Variants in IL1RAPL1 observed in about 807,000 individuals in gnomAD.
The protein encoded by IL1RAPL1 is interleukin-1 receptor accessory protein-like 1.
IL1RAPL1 carries 3 observed loss-of-function variants against 48.4 expected under a neutral mutation model. The ratio of observed to expected loss-of-function variants is 0.06; its 90% CI spans 0.03 to 0.16. The LOEUF (loss-of-function observed/expected upper bound fraction) is 0.16. IL1RAPL1 is among the 10% of genes least tolerant of loss of function. The probability of loss-of-function intolerance (pLI) is 1.00; values close to 1 mark genes in which losing one functional copy is unlikely to be tolerated. For synonymous variants in IL1RAPL1, 185 were observed against 187.7 expected (o/e 0.99, Z 0.12); for missense variants, 349 against 530.6 (o/e 0.66, Z 3.36).
At chrX:29,423,483 A>G (rs1374768779) in intron 5 of IL1RAPL1, among the ~76,000 whole-genome samples, 2 of 112,092 alleles carry the variant, frequency 1.8e-5, no homozygotes, top group Non-Finnish European at 3.8e-5. Context: ...ACTGAAAACA[A>G]TATAGGTTAG....
chrX:29,155,213 TA>T, intron 2 of IL1RAPL1, among the ~76,000 whole-genome samples: 1 of 110,575 alleles, frequency 9.0e-6, no homozygotes, highest in East Asian at 2.9e-4. Context: ...GGTTTCATCA[TA>T]TTGGTCAGGC....
At chrX:29,198,075 A>G (rs2147531811) in intron 2 of IL1RAPL1, among the ~76,000 whole-genome samples, 1 of 111,414 alleles carries the variant, frequency 9.0e-6, no homozygotes, top group Admixed American at 9.6e-5. Context: ...ATAAAAATAG[A>G]AGACATGCTT....
chrX:28,702,291 A>G (rs915214684), intron 1 of IL1RAPL1, among the ~76,000 whole-genome samples: 2 of 112,024 alleles, frequency 1.8e-5, no homozygotes, highest in African/African-American at 6.5e-5. Context: ...ACTCAGCTTA[A>G]GCAAAGACTG....
chrX:29,289,314 C>T (rs1308180310), intron 3 of IL1RAPL1, among the ~76,000 whole-genome samples: 1 of 112,134 alleles, frequency 8.9e-6, no homozygotes, highest in Non-Finnish European at 1.9e-5. Context: ...CCAGTTGTCC[C>T]AGCACCATTT....
intron 6 of IL1RAPL1, among the ~76,000 whole-genome samples, chrX:29,817,373 T>C (rs1930520700): frequency 8.9e-6 from 1 of 112,133 alleles, no homozygotes; most frequent in East Asian, 2.8e-4. Context: ...GTTGAATTTC[T>C]ACTCGTTAAC....
At chrX:29,040,253 G>T (rs1217741491) in intron 2 of IL1RAPL1, among the ~76,000 whole-genome samples, 1 of 112,078 alleles carries the variant, frequency 8.9e-6, no homozygotes, top group Non-Finnish European at 1.9e-5. Context: ...TCTGCATGGG[G>T]AAAAAAGTGG....
chrX:29,462,571 C>T (rs769550985), intron 5 of IL1RAPL1, among the ~76,000 whole-genome samples: 18 of 111,589 alleles, frequency 1.6e-4, no homozygotes, highest in Non-Finnish European at 3.4e-4. Flanking sequence ...TCCCCTGCTG[C>T]CTCCAGGGAG....
At chrX:28,952,441 C>G (rs1362032120) in intron 2 of IL1RAPL1, among the ~76,000 whole-genome samples, 1 of 111,616 alleles carries the variant, frequency 9.0e-6, no homozygotes, top group Non-Finnish European at 1.9e-5. Flanking sequence ...CCTTCTTAAT[C>G]TACTTAAAAC....
At chrX:29,513,549 A>T (rs1457120441) in intron 5 of IL1RAPL1, among the ~76,000 whole-genome samples, 1 of 111,864 alleles carries the variant, frequency 8.9e-6, no homozygotes, top group African/African-American at 3.2e-5. Flanking sequence ...GTTTCGTGTA[A>T]GGAGTGTATA....
chrX:28,849,817 A>T (rs922155373), intron 2 of IL1RAPL1, among the ~76,000 whole-genome samples: 3 of 112,064 alleles, frequency 2.7e-5, no homozygotes, highest in Non-Finnish European at 3.8e-5. Context: ...TGCGTATTAG[A>T]CACATTTCTG....
intron 5 of IL1RAPL1, among the ~76,000 whole-genome samples, chrX:29,647,146 T>G (rs1187437930): frequency 1.8e-5 from 2 of 111,462 alleles, no homozygotes; most frequent in Non-Finnish European, 3.8e-5. Context: ...GGTCAGGAGT[T>G]CAAGACCAGC....
chrX:29,710,894 A>G (rs979698417), intron 6 of IL1RAPL1, among the ~76,000 whole-genome samples: 7 of 107,764 alleles, frequency 6.5e-5, no homozygotes, highest in African/African-American at 2.0e-4. Context: ...TGACTTTGCT[A>G]TTAAGTGTGA....
At chrX:29,493,439 A>G (rs1251608397) in intron 5 of IL1RAPL1, among the ~76,000 whole-genome samples, 1 of 112,444 alleles carries the variant, frequency 8.9e-6, no homozygotes, top group Non-Finnish European at 1.9e-5. Context: ...AATACATGAC[A>G]TGCTTATAGT....
At chrX:29,886,587 G>A (rs1322514501) in intron 6 of IL1RAPL1, among the ~76,000 whole-genome samples, 4 of 112,264 alleles carry the variant, frequency 3.6e-5, no homozygotes, top group Admixed American at 2.8e-4. Flanking sequence ...AATAATGATT[G>A]CGGAGTCACC....
At chrX:29,095,872 CT>C (rs1320410298) in intron 2 of IL1RAPL1, among the ~76,000 whole-genome samples, 2 of 108,130 alleles carry the variant, frequency 1.8e-5, no homozygotes, top group African/African-American at 6.7e-5. Flanking sequence ...GAAGTTTTTG[CT>C]TTGTTTTTAA....
intron 2 of IL1RAPL1, among the ~76,000 whole-genome samples, chrX:29,098,057 T>G (rs1928253671): frequency 8.9e-6 from 1 of 112,482 alleles, no homozygotes; most frequent in African/African-American, 3.2e-5. Context: ...TTCTCGTTAA[T>G]TACAGGCTGT....
chrX:28,637,694 G>T (rs1490095562), intron 1 of IL1RAPL1, among the ~76,000 whole-genome samples: 1 of 112,187 alleles, frequency 8.9e-6, no homozygotes, highest in South Asian at 3.7e-4. Context: ...CAAAGACTAG[G>T]CTGATTGAAA....
intron 5 of IL1RAPL1, among the ~76,000 whole-genome samples, chrX:29,418,125 A>ATATATATATATTT (rs1474269220): frequency 3.7e-5 from 1 of 26,702 alleles, no homozygotes; most frequent in African/African-American, 1.7e-4. Flanking sequence ...ATATATATAT[A>ATATATATATATTT]TTTTTTTTTT....
chrX:29,803,200 T>C (rs1286757513), intron 6 of IL1RAPL1, among the ~76,000 whole-genome samples: 6 of 39,150 alleles, frequency 1.5e-4, no homozygotes, highest in African/African-American at 6.2e-4. Flanking sequence ...TGTATACATA[T>C]ACACACATGT....
Sources: gnomAD v4.1 joint callset for allele counts (sites outside exome capture counted in the v4.1 genomes callset) on GRCh38, gnomAD v4.1.1 for gene constraint, MANE v1.5 for transcripts, NCBI Gene and HGNC (gene_info 2026-07-23, HGNC 2026-07-21) for gene names.